Variants in TENM3 observed in about 807,000 individuals in gnomAD.
TENM3 encodes teneurin transmembrane protein 3, also known as teneurin-3.
TENM3 carries 63 observed loss-of-function variants against 255.1 expected under a neutral mutation model. The ratio of observed to expected loss-of-function variants is 0.25; its 90% CI spans 0.20 to 0.30. The LOEUF (loss-of-function observed/expected upper bound fraction) is 0.30, where lower values mean the gene tolerates loss of function less well. Ranked by LOEUF, TENM3 falls within the 10% of genes least tolerant of loss-of-function variation. The pLI, the probability that TENM3 is intolerant of heterozygous loss-of-function variation, is 1.00. For missense variants in TENM3, 2,929 were observed against 3,461.1 expected (o/e 0.85, Z 3.86); for synonymous variants, 1,306 against 1,322.3 (o/e 0.99, Z 0.27).
the TENM3 span, among the ~76,000 whole-genome samples, chr4:181,920,204 A>G: frequency 1.3e-5 from 2 of 151,784 alleles, no homozygotes; most frequent in African/African-American, 2.4e-5. Flanking sequence ...ACGTGTGCAT[A>G]TGTCTTTATA....
the TENM3 span, among the ~76,000 whole-genome samples, chr4:181,905,510 C>G: frequency 3.4e-5 from 5 of 148,340 alleles, no homozygotes; most frequent in Non-Finnish European, 7.4e-5. Flanking sequence ...AACGTGCCCA[C>G]TATGTTGCAG....
the TENM3 span, among the ~76,000 whole-genome samples, chr4:181,815,626 G>T: frequency 6.6e-6 from 1 of 152,078 alleles, no homozygotes; most frequent in Non-Finnish European, 1.5e-5. Context: ...AGTCTTGATG[G>T]TGCTGCTGTA....
At chr4:182,199,822 A>G (rs1383091902) in intron 1 of TENM3, among the ~76,000 whole-genome samples, 1 of 143,056 alleles carries the variant, frequency 7.0e-6, no homozygotes, top group Non-Finnish European at 1.5e-5. Context: ...ACCTCCCTGG[A>G]CTCATATGAT....
At chr4:182,013,989 TATATACAC>T in the TENM3 span, among the ~76,000 whole-genome samples, 2 of 102,688 alleles carry the variant, frequency 1.9e-5, no homozygotes, top group African/African-American at 4.1e-5. Context: ...TGTATATACG[TATATACAC>T]ATATATACGT....
At chr4:181,722,212 C>T in the TENM3 span, among the ~76,000 whole-genome samples, 1 of 152,016 alleles carries the variant, frequency 6.6e-6, no homozygotes, top group African/African-American at 2.4e-5. Flanking sequence ...TAATGGAATC[C>T]AAGGGAAATG....
the TENM3 span, among the ~76,000 whole-genome samples, chr4:181,604,773 C>A: frequency 6.6e-6 from 1 of 152,200 alleles, no homozygotes; most frequent in Non-Finnish European, 1.5e-5. Flanking sequence ...TGGAATGCAT[C>A]CTAGTCATAT....
At chr4:182,208,330 T>C (rs1021013569) in intron 1 of TENM3, among the ~76,000 whole-genome samples, 2 of 152,216 alleles carry the variant, frequency 1.3e-5, no homozygotes, top group African/African-American at 4.8e-5. Flanking sequence ...GGAATCTGCC[T>C]GTGTTTCTCT....
chr4:181,581,302 G>A, the TENM3 span, among the ~76,000 whole-genome samples: 1 of 152,058 alleles, frequency 6.6e-6, no homozygotes, highest in Non-Finnish European at 1.5e-5. Flanking sequence ...TTACTCTGGT[G>A]TGGTGGTGCA....
At chr4:182,672,037 C>A (rs1755261699) in intron 6 of TENM3, among the ~76,000 whole-genome samples, 1 of 152,124 alleles carries the variant, frequency 6.6e-6, no homozygotes, top group Non-Finnish European at 1.5e-5. Flanking sequence ...CCATTCTGTT[C>A]CTCAGCCTTC....
At chr4:181,609,192 G>GT in the TENM3 span, among the ~76,000 whole-genome samples, 1 of 151,948 alleles carries the variant, frequency 6.6e-6, no homozygotes, top group Admixed American at 6.6e-5. Context: ...TGAGGAGGCC[G>GT]TTTTTATGAG....
At chr4:181,961,704 G>C in the TENM3 span, among the ~76,000 whole-genome samples, 1 of 152,072 alleles carries the variant, frequency 6.6e-6, no homozygotes, top group Non-Finnish European at 1.5e-5. Context: ...AGTTTTAAAT[G>C]TTTTTCAATA....
the TENM3 span, among the ~76,000 whole-genome samples, chr4:181,479,446 A>T: frequency 6.6e-6 from 1 of 152,296 alleles, no homozygotes; most frequent in Admixed American, 6.5e-5. Context: ...GAGGACTTAA[A>T]AAACCTTTAT....
chr4:182,099,294 A>C, the TENM3 span, among the ~76,000 whole-genome samples: 5 of 152,118 alleles, frequency 3.3e-5, no homozygotes, highest in Non-Finnish European at 7.4e-5. Context: ...TGTCCATAAA[A>C]ATTTTAAATT....
chr4:182,370,780 A>T (rs895705385), intron 3 of TENM3, among the ~76,000 whole-genome samples: 3 of 152,212 alleles, frequency 2.0e-5, no homozygotes, highest in Non-Finnish European at 4.4e-5. Flanking sequence ...GCATGTTTCT[A>T]GAAGTGATCT....
At chr4:181,805,505 C>T in the TENM3 span, among the ~76,000 whole-genome samples, 18 of 152,202 alleles carry the variant, frequency 1.2e-4, no homozygotes, top group Non-Finnish European at 1.0e-4. Flanking sequence ...TTGCAGAATC[C>T]GCAGACTAGC....
intron 1 of TENM3, among the ~76,000 whole-genome samples, chr4:182,276,553 C>T (rs1431949800): frequency 6.6e-6 from 1 of 152,174 alleles, no homozygotes; most frequent in African/African-American, 2.4e-5. Flanking sequence ...TTATTATAAA[C>T]AAATTTTCAA....
the TENM3 span, among the ~76,000 whole-genome samples, chr4:181,501,572 G>T: frequency 2.0e-5 from 3 of 151,900 alleles, no homozygotes; most frequent in East Asian, 5.8e-4. Flanking sequence ...TAGAGGCGGG[G>T]TTTCACTAGG....
At position 182,576,129 on chromosome 4, in the gene TENM3, C is replaced by G. The variant is rs1049998578; in HGVS notation, c.512-24795C>G. Among the ~76,000 whole-genome samples, 4 of 152,114 alleles carry G rather than the reference C, an allele frequency of 2.6e-5. 1 individual carries two copies. Among genetic ancestry groups the G allele is most frequent in the African/African-American group, 9.7e-5 (4 of 41,434 alleles). ...ATTCGGTAGATTTTTTTAACTTTTTCTTTCTCTTCATCCTGTCACATCATG... is the reference window on the plus strand; with the variant it reads ...ATTCGGTAGATTTTTTTAACTTTTTGTTTCTCTTCATCCTGTCACATCATG... On this transcript the variant is annotated intron_variant, in intron 3 of 27. Coordinates refer to ENST00000511685, the MANE Select transcript of TENM3 (RefSeq NM_001080477.4).
chr4:181,724,630 G>A, the TENM3 span, among the ~76,000 whole-genome samples: 2 of 152,088 alleles, frequency 1.3e-5, no homozygotes, highest in Non-Finnish European at 2.9e-5. Context: ...GACTTGGGGG[G>A]ATTTTGTTTG....
Sources: gnomAD v4.1 joint callset for allele counts (sites outside exome capture counted in the v4.1 genomes callset) on GRCh38, gnomAD v4.1.1 for gene constraint, MANE v1.5 for transcripts, NCBI Gene and HGNC (gene_info 2026-07-23, HGNC 2026-07-21) for gene names.